JPH1: variants seen among roughly 807,000 people sequenced by gnomAD.
The protein encoded by JPH1 is junctophilin 1.
JPH1 carries 12 observed loss-of-function variants against 53.6 expected under a neutral mutation model. The ratio of observed to expected loss-of-function variants is 0.22; its 90% CI spans 0.14 to 0.36. JPH1 has a LOEUF of 0.36. Among genes scored for constraint, JPH1 ranks in the 10% least tolerant of loss-of-function variants. The probability of loss-of-function intolerance (pLI) is 1.00; values close to 1 mark genes in which losing one functional copy is unlikely to be tolerated. For missense variants in JPH1, 808 were observed against 905.5 expected (o/e 0.89, Z 1.38); for synonymous variants, 375 against 363.8 (o/e 1.03, Z -0.35).
intron 2 of JPH1, among the ~76,000 whole-genome samples, chr8:74,310,475 G>A (rs1318023216): frequency 6.6e-6 from 1 of 152,086 alleles, no homozygotes. Flanking sequence ...TGGTCTTGAC[G>A]CTAAGTGTTA....
intron 2 of JPH1, among the ~76,000 whole-genome samples, chr8:74,262,057 A>C: frequency 6.6e-6 from 1 of 152,296 alleles, no homozygotes; most frequent in East Asian, 1.9e-4. Flanking sequence ...GTTTCCTATA[A>C]GACCACACAG....
At position 74,315,505 on chromosome 8, in the gene JPH1, C is replaced by A. The variant is rs757273194; in HGVS notation, c.495G>T (p.Ser165=). 2 of 1,604,956 alleles carry A rather than the reference C, an allele frequency of 1.2e-6. No individual in the cohort carries two copies. The highest frequency in any genetic ancestry group is 1.7e-6 in the Non-Finnish European group (2 of 1,176,916). The change falls in exon 2 of 6, where the codon TCG becomes TCT. Residue 165 remains serine (S), a synonymous_variant. Coordinates refer to ENST00000342232, the MANE Select transcript of JPH1 (RefSeq NM_020647.4). This position sits in a 1 kb window ranked among gnomAD's most constrained non-coding sequence, Gnocchi z 6.3. ...IRSPLRTSLA[S]LRSEQSNGSV... The stretch of plus-strand genomic sequence containing the variant: ...TGCCATTGCTCTGCTCGCTGCGCAG[C>A]GAGGCCAGCGAGGTACGCAGCGGTG...
chr8:74,249,908 T>C (rs1805989004), intron 3 of JPH1, among the ~76,000 whole-genome samples: 1 of 152,166 alleles, frequency 6.6e-6, no homozygotes, highest in Non-Finnish European at 1.5e-5. Flanking sequence ...TATGAGTACA[T>C]TTATGCTTAA....
At chr8:74,312,345 G>A (rs1808022022) in intron 2 of JPH1, among the ~76,000 whole-genome samples, 1 of 151,936 alleles carries the variant, frequency 6.6e-6, no homozygotes, top group Non-Finnish European at 1.5e-5. Flanking sequence ...TCGACCTCTG[G>A]GGCTCAAGCC....
intron 2 of JPH1, among the ~76,000 whole-genome samples, chr8:74,297,498 C>T (rs1332385462): frequency 6.6e-6 from 1 of 152,182 alleles, no homozygotes; most frequent in East Asian, 1.9e-4. Context: ...CTTCGCGGGA[C>T]TCTTAACTCA....
chr8:74,282,863 A>C (rs1807051846), intron 2 of JPH1, among the ~76,000 whole-genome samples: 1 of 152,222 alleles, frequency 6.6e-6, no homozygotes, highest in Admixed American at 6.5e-5. Flanking sequence ...GGATTTCCTA[A>C]TTGCCCTGAT....
At chr8:74,251,686 G>C (rs1006781922) in intron 3 of JPH1, among the ~76,000 whole-genome samples, 2 of 151,402 alleles carry the variant, frequency 1.3e-5, no homozygotes, top group Admixed American at 6.6e-5. Flanking sequence ...TCTACTTCTT[G>C]CTTTTATAAT....
chr8:74,289,667 A>G (rs1807266336), intron 2 of JPH1, among the ~76,000 whole-genome samples: 1 of 152,196 alleles, frequency 6.6e-6, no homozygotes, highest in Non-Finnish European at 1.5e-5. Flanking sequence ...CCGCATGGAT[A>G]AGCCTTTTGC....
At chr8:74,244,008 G>A (rs919444637) in intron 4 of JPH1, among the ~76,000 whole-genome samples, 2 of 152,200 alleles carry the variant, frequency 1.3e-5, no homozygotes, top group Non-Finnish European at 2.9e-5. Context: ...TAGCTGCAAA[G>A]CCTGGCTAAT....
intron 2 of JPH1, among the ~76,000 whole-genome samples, chr8:74,298,476 T>C (rs1323440978): frequency 2.0e-5 from 3 of 152,202 alleles, no homozygotes; most frequent in Non-Finnish European, 4.4e-5. Context: ...TCTCCTCACA[T>C]GTTGTTTTGC....
chr8:74,236,273 T>A lies in JPH1; in HGVS notation c.*778A>T, dbSNP rs898018853. 1 of 152,246 alleles carries A rather than the reference T, an allele frequency of 6.6e-6. No individual in the cohort carries two copies. The highest frequency in any genetic ancestry group is 2.4e-5 in the African/African-American group (1 of 41,454). 9.4% of individuals were successfully genotyped at this position (152,246 alleles called of 1,614,324 possible). ...AATAAATGACATAAAAGATGGTATATTGCTATCAAAATAAGCACATTTTCA... is the reference window on the plus strand; with the variant it reads ...AATAAATGACATAAAAGATGGTATAATGCTATCAAAATAAGCACATTTTCA... On this transcript the variant is annotated 3_prime_UTR_variant, in exon 6 of 6. Coordinates refer to ENST00000342232, the MANE Select transcript of JPH1 (RefSeq NM_020647.4).
At position 74,291,362 on chromosome 8, in the gene JPH1, A is replaced by G. The variant is rs191472889; in HGVS notation, c.1139+23499T>C. On this transcript the variant is annotated intron_variant, in intron 2 of 5. Transcript: ENST00000342232. ...AAAAGAAGACATTTATGCAGCCAAC[A>G]GACACATGAAAAAATGCTCATCATC... is the stretch of plus-strand genomic sequence containing the variant. 6.0e-3 allele frequency among the ~76,000 whole-genome samples: 916 copies of G among 152,358 alleles called. 8 individuals carry two copies. The highest frequency in any genetic ancestry group is 0.021 in the African/African-American group (882 of 41,564).
In JPH1 at chr8:74,236,978, C is replaced by A; in HGVS notation, c.*73G>T. ...TGCCTGGGGTGGGCCATTTAAAGGGCTGACGGCACCACTGCAGAGAACTGT... is the reference window on the plus strand; with the variant it reads ...TGCCTGGGGTGGGCCATTTAAAGGGATGACGGCACCACTGCAGAGAACTGT... On this transcript the variant is annotated 3_prime_UTR_variant, in exon 6 of 6. Coordinates refer to ENST00000342232, the MANE Select transcript of JPH1 (RefSeq NM_020647.4). The A allele has an allele frequency of 2.6e-6, 1 of 378,770 alleles. No homozygotes were observed. The allele number at this position is 378,770 out of a possible 1,614,324, so 23.5% of individuals were successfully genotyped here.
chr8:74,308,275 A>G lies in JPH1; in HGVS notation c.1139+6586T>C, dbSNP rs1368496805. On this transcript the variant is annotated intron_variant, in intron 2 of 5. Coordinates refer to ENST00000342232, the MANE Select transcript of JPH1 (RefSeq NM_020647.4). Reference sequence around the variant, plus strand: ...TCACTGACCAGCTCAATACTTATGAAGAATGGAAATAACAGTTTGGCTCAA... The same window carrying G: ...TCACTGACCAGCTCAATACTTATGAGGAATGGAAATAACAGTTTGGCTCAA... Among the ~76,000 whole-genome samples the G allele has an allele frequency of 2.6e-5, 4 of 152,256 alleles. No individual in the cohort carries two copies. In the East Asian group the frequency reaches 5.8e-4, roughly 22 times the overall value.
intron 2 of JPH1, among the ~76,000 whole-genome samples, chr8:74,303,066 T>G (rs534521581): frequency 4.3e-4 from 65 of 152,024 alleles, no homozygotes; most frequent in Non-Finnish European, 8.7e-4. Flanking sequence ...GAAATTCAGA[T>G]ACCTGAATTG....
At chr8:74,274,336 G>A (rs770544716) in intron 2 of JPH1, among the ~76,000 whole-genome samples, 2 of 152,186 alleles carry the variant, frequency 1.3e-5, no homozygotes, top group Non-Finnish European at 2.9e-5. Context: ...GATGCTTTCT[G>A]GCTCCAGCTG....
Position 74,262,774 on chromosome 8 carries a change from G to A in JPH1, c.1140-3271C>T, listed in dbSNP as rs575083017. ...AAGACACCACAGCCATGCTGGCTGGGGAGACCTGGGGAGCTGGTTATGCTC... is the reference window on the plus strand; with the variant it reads ...AAGACACCACAGCCATGCTGGCTGGAGAGACCTGGGGAGCTGGTTATGCTC... On this transcript the variant is annotated intron_variant, in intron 2 of 5. Transcript: ENST00000342232. 4.6e-5 allele frequency among the ~76,000 whole-genome samples: 7 copies of A among 152,312 alleles called. No homozygotes were observed. In the South Asian group the frequency reaches 1.5e-3, roughly 32 times the overall value.
At chr8:74,303,196 G>A (rs1387336123) in intron 2 of JPH1, among the ~76,000 whole-genome samples, 2 of 152,148 alleles carry the variant, frequency 1.3e-5, no homozygotes, top group East Asian at 1.9e-4. Context: ...TGCATGTCCC[G>A]TAAGTCTTTC....
chr8:74,261,098 A>C (rs1382553897), intron 2 of JPH1, among the ~76,000 whole-genome samples: 1 of 152,194 alleles, frequency 6.6e-6, no homozygotes, highest in Non-Finnish European at 1.5e-5. Context: ...GGGGTGTAGT[A>C]GGGAAGAATG....
Sources: allele counts gnomAD v4.1 joint callset (sites outside exome capture counted in the v4.1 genomes callset), GRCh38; gene constraint gnomAD v4.1.1; non-coding constraint Gnocchi (gnomAD v3.1); transcripts MANE v1.5; gene names NCBI Gene and HGNC (gene_info 2026-07-23, HGNC 2026-07-21).